AGAP1: variants seen among roughly 807,000 people sequenced by gnomAD.
The protein encoded by AGAP1 is ArfGAP with GTPase domain, ankyrin repeat and PH domain 1.
AGAP1 carries 29 observed loss-of-function variants against 105.3 expected under a neutral mutation model. The ratio of observed to expected loss-of-function variants is 0.28; its 90% confidence interval spans 0.21 to 0.38. The LOEUF is 0.38. Ranked by LOEUF, AGAP1 falls within the 10% of genes least tolerant of loss-of-function variation. The pLI, the probability that AGAP1 is intolerant of heterozygous loss-of-function variation, is 1.00. For synonymous variants in AGAP1, 509 were observed against 485.9 expected, an observed-to-expected ratio of 1.05 and a Z score of -0.63; for missense variants, 998 against 1,165.1, an observed-to-expected ratio of 0.86 and a Z score of 2.09.
At chr2:235,980,021 C>G (rs1366323617) in intron 13 of AGAP1, among the ~76,000 whole-genome samples, 1 of 152,118 alleles carries the variant, frequency 6.6e-6, no homozygotes, top group Non-Finnish European at 1.5e-5. Context: ...ACTCCCTATC[C>G]CAAGACTCAT....
At chr2:235,932,293 C>T (rs755147446) in intron 12 of AGAP1, among the ~76,000 whole-genome samples, 4 of 152,160 alleles carry the variant, frequency 2.6e-5, no homozygotes, top group East Asian at 1.9e-4. Context: ...TCAATGGACA[C>T]GTTCTCCCCT....
At chr2:236,028,544 G>T (rs765726725) in intron 13 of AGAP1, among the ~76,000 whole-genome samples, 1 of 152,096 alleles carries the variant, frequency 6.6e-6, no homozygotes. Context: ...TGTACATTTT[G>T]CAATTAATAT....
chr2:235,700,852 T>C lies in AGAP1; in HGVS notation c.164-8327T>C, dbSNP rs1361006014. On this transcript the variant is annotated intron_variant, in intron 1 of 17. Coordinates refer to ENST00000304032, the MANE Select transcript of AGAP1 (RefSeq NM_001037131.3). This position sits in a 1 kb window ranked among gnomAD's most constrained non-coding sequence, Gnocchi z 6.1. ...ATATAGTATATATTATATATGTATA[T>C]ATTGTATACTCTACATAGTATATAT... 6.7e-6 allele frequency among the ~76,000 whole-genome samples: 1 copy of C among 148,296 alleles called. No individual in the cohort carries two copies. Among genetic ancestry groups the C allele is most frequent in the African/African-American group, 2.5e-5 (1 of 40,722 alleles).
chr2:236,036,493 C>T lies in AGAP1; in HGVS notation c.1646-68C>T. 1.9e-6 allele frequency: 3 copies of T among 1,575,594 alleles called. No homozygotes were observed. The South Asian group carries it at 3.6e-5, about 19-fold the overall frequency. ...GCTGAACCCAGAGGCGCTTCTGTGA[C>T]AGAGGGCCCGCAGGGGGACTGCTGT... On this transcript the variant is annotated intron_variant, in intron 13 of 17. Transcript: ENST00000304032. This position sits in a 1 kb window ranked among gnomAD's most constrained non-coding sequence, Gnocchi z 5.7.
Position 235,777,057 on chromosome 2 carries a change from G to A in AGAP1, c.674-20702G>A. 2.1e-6 allele frequency: 1 copy of A among 471,180 alleles called. No individual in the cohort carries two copies. The highest frequency in any genetic ancestry group is 1.5e-5 in the South Asian group (1 of 64,572). The allele number at this position is 471,180 out of a possible 1,614,324, so 29.2% of individuals were successfully genotyped here. A position where few individuals can be genotyped will look rare whatever the true frequency, so the allele number is the denominator to read the frequency against. Reference sequence around the variant, plus strand: ...AGGCTGGATCCTGCAGAGAAACGAGGAAGTATTAGACAGAAGTGATGCTGG... The same window carrying A: ...AGGCTGGATCCTGCAGAGAAACGAGAAAGTATTAGACAGAAGTGATGCTGG... On this transcript the variant is annotated intron_variant, in intron 6 of 17. Coordinates refer to ENST00000304032, the MANE Select transcript of AGAP1 (RefSeq NM_001037131.3). The surrounding 1 kb of genome is among the most constrained non-coding windows in gnomAD (Gnocchi z 5.1).
At chr2:235,670,801 C>A (rs1948366483) in intron 1 of AGAP1, 1 of 1,385,516 alleles carries the variant, frequency 7.2e-7, no homozygotes, top group Non-Finnish European at 9.6e-7. Context: ...GCAGTAAGAG[C>A]AAGAACCGCA....
chr2:236,043,445 G>C (rs759809793), intron 15 of AGAP1, among the ~76,000 whole-genome samples: 8 of 152,212 alleles, frequency 5.3e-5, no homozygotes, highest in Non-Finnish European at 1.0e-4. Context: ...ACTTAATTGA[G>C]CCTGGGCACG....
In AGAP1 at chr2:236,121,781, A is replaced by T. The variant is rs1011008085; in HGVS notation, c.2370+1334A>T. Among the ~76,000 whole-genome samples the T allele has an allele frequency of 3.3e-5, 5 of 152,216 alleles. No homozygotes were observed. Among genetic ancestry groups the T allele is most frequent in the African/African-American group, 1.2e-4 (5 of 41,452 alleles). On this transcript the variant is annotated intron_variant, in intron 17 of 17. Coordinates refer to ENST00000304032, the MANE Select transcript of AGAP1 (RefSeq NM_001037131.3). This position sits in a 1 kb window ranked among gnomAD's most constrained non-coding sequence, Gnocchi z 4.9. ...AAATACCACAGACAGGGGTGCTTCA[A>T]CAACAGACATTTATTTTTTCACAGT...
At chr2:235,913,239 TC>T (rs1446480970) in intron 11 of AGAP1, among the ~76,000 whole-genome samples, 17 of 152,312 alleles carry the variant, frequency 1.1e-4, no homozygotes, top group Admixed American at 8.5e-4. Context: ...ATTGTTTTTT[TC>T]CCTTAAAAAA....
rs1576363344 is a variant in AGAP1 at position 236,126,494 on chromosome 2, T to C, written c.*2372T>C. ...AACGGAACTCCTTGAGGCTTCTCTTTGGGATGTATATGAGCGTGTACATAT... is the reference window on the plus strand; with the variant it reads ...AACGGAACTCCTTGAGGCTTCTCTTCGGGATGTATATGAGCGTGTACATAT... On this transcript the variant is annotated 3_prime_UTR_variant, in exon 18 of 18. Transcript: ENST00000304032. 6.6e-6 allele frequency: 1 copy of C among 152,220 alleles called. No individual in the cohort carries two copies. The highest frequency in any genetic ancestry group is 1.5e-5 in the Non-Finnish European group (1 of 68,032). The allele number at this position is 152,220 out of a possible 1,614,324, so 9.4% of individuals were successfully genotyped here. A position where few individuals can be genotyped will look rare whatever the true frequency, so the allele number is the denominator to read the frequency against.
chr2:235,732,636 C>T lies in AGAP1; in HGVS notation c.311-8327C>T, dbSNP rs1459869748. 6.6e-6 allele frequency among the ~76,000 whole-genome samples: 1 copy of T among 152,162 alleles called. No homozygotes were observed. Among genetic ancestry groups the T allele is most frequent in the Non-Finnish European group, 1.5e-5 (1 of 68,024 alleles). ...CTTCCCATTTTCCCTGCTGGGGAGC[C>T]TTTGCATAATGTCCCCAGCCCTGCT... On this transcript the variant is annotated intron_variant, in intron 3 of 17. Transcript: ENST00000304032. The surrounding 1 kb of genome is among the most constrained non-coding windows in gnomAD (Gnocchi z 4.8).
At position 235,705,308 on chromosome 2, in the gene AGAP1, C is replaced by T. The variant is rs183874690; in HGVS notation, c.164-3871C>T. Among the ~76,000 whole-genome samples, 141 of 152,326 alleles carry T rather than the reference C, an allele frequency of 9.3e-4. No individual in the cohort carries two copies. The highest frequency in any genetic ancestry group is 2.9e-4 in the Non-Finnish European group (20 of 68,034). On this transcript the variant is annotated intron_variant, in intron 1 of 17. Transcript: ENST00000304032. This position sits in a 1 kb window ranked among gnomAD's most constrained non-coding sequence, Gnocchi z 4.9. The stretch of plus-strand genomic sequence containing the variant: ...CACTTCTGAGAACGAGCTACATCCT[C>T]TGTGCCACTGGATTCTGGCTGGTCC...
Position 235,953,081 on chromosome 2 carries a change from GC to G in AGAP1, c.1484-15379del. 6.6e-6 allele frequency among the ~76,000 whole-genome samples: 1 copy of G among 152,290 alleles called. No individual in the cohort carries two copies. Among genetic ancestry groups the G allele is most frequent in the East Asian group, 1.9e-4 (1 of 5,178 alleles). On this transcript the variant is annotated intron_variant, in intron 12 of 17. Transcript: ENST00000304032. The surrounding 1 kb of genome is among the most constrained non-coding windows in gnomAD (Gnocchi z 5.2). The stretch of plus-strand genomic sequence containing the variant: ...TCACCATCCTCGCTGACTGGGACAT[GC>G]CACCCACCTCCAATAAAGGCTTGGG...
At chr2:236,099,870 T>C (rs1319988749) in intron 16 of AGAP1, among the ~76,000 whole-genome samples, 10 of 151,954 alleles carry the variant, frequency 6.6e-5, no homozygotes, top group Non-Finnish European at 1.3e-4. Context: ...TGAAACCCCG[T>C]CTCTACTAAA....
In AGAP1 at chr2:235,753,031, C is replaced by T. The variant is rs1953588049; in HGVS notation, c.673+2543C>T. 6.6e-6 allele frequency among the ~76,000 whole-genome samples: 1 copy of T among 152,194 alleles called. No homozygotes were observed. Among genetic ancestry groups the T allele is most frequent in the African/African-American group, 2.4e-5 (1 of 41,448 alleles). On this transcript the variant is annotated intron_variant, in intron 6 of 17. Coordinates refer to ENST00000304032, the MANE Select transcript of AGAP1 (RefSeq NM_001037131.3). The surrounding 1 kb of genome is among the most constrained non-coding windows in gnomAD (Gnocchi z 4.5). The stretch of plus-strand genomic sequence containing the variant: ...TCGCCAGTCCCTTCCCATAAAGGCA[C>T]TTAACCCATCACAGGGTTCCACCCT...
In AGAP1 at chr2:235,938,652, C is replaced by G. The variant is rs537835276; in HGVS notation, c.1483+7729C>G. Among the ~76,000 whole-genome samples the G allele has an allele frequency of 2.6e-5, 4 of 152,322 alleles. No individual in the cohort carries two copies. In the East Asian group the frequency reaches 7.7e-4, roughly 29 times the overall value. On this transcript the variant is annotated intron_variant, in intron 12 of 17. Coordinates refer to ENST00000304032, the MANE Select transcript of AGAP1 (RefSeq NM_001037131.3). ...TTTGTCTGCAGAAACGCTGTCAAGA[C>G]TTACATTCTGCACTAAGAGGACGAG...
chr2:235,731,772 G>A (rs1465104311), intron 3 of AGAP1, among the ~76,000 whole-genome samples: 1 of 152,118 alleles, frequency 6.6e-6, no homozygotes, highest in Non-Finnish European at 1.5e-5. Context: ...AGGCACCAGA[G>A]GCCACAAAAG....
chr2:236,079,086 C>T (rs1452139944), intron 16 of AGAP1, among the ~76,000 whole-genome samples: 1 of 152,156 alleles, frequency 6.6e-6, no homozygotes, highest in Non-Finnish European at 1.5e-5. Context: ...TCCGATGCCA[C>T]ACCAGGCCTG....
At chr2:235,513,510 G>T (rs577780015) in intron 1 of AGAP1, among the ~76,000 whole-genome samples, 3 of 109,244 alleles carry the variant, frequency 2.7e-5, no homozygotes, top group Non-Finnish European at 5.0e-5. Flanking sequence ...GGCAGAGCAA[G>T]ACTCCGTCTC....
Sources: allele counts gnomAD v4.1 joint callset (sites outside exome capture counted in the v4.1 genomes callset), GRCh38; gene constraint gnomAD v4.1.1; non-coding constraint Gnocchi (gnomAD v3.1); transcripts MANE v1.5; gene names NCBI Gene and HGNC (gene_info 2026-07-23, HGNC 2026-07-21).